Variants in EMB observed in about 807,000 individuals in gnomAD.
EMB encodes the protein embigin homolog.
EMB carries 31 observed loss-of-function variants against 41.4 expected under a neutral mutation model. The observed-to-expected ratio is 0.75, with a 90% confidence interval of 0.56 to 1.01. The LOEUF is 1.01. Among genes scored for constraint, EMB ranks in the 50% least tolerant of loss-of-function variants. EMB has a pLI of 0.00. For synonymous variants in EMB, 137 were observed against 140.4 expected, an observed-to-expected ratio of 0.98 and a Z score of 0.17; for missense variants, 379 against 388.3, an observed-to-expected ratio of 0.98 and a Z score of 0.20.
At chr5:50,441,534 T>C (rs1025186616), upstream of EMB, among the ~76,000 whole-genome samples, 1 of 152,208 alleles carries the variant, frequency 6.6e-6, no homozygotes, top group Non-Finnish European at 1.5e-5. Context: ...GCCTACAGAC[T>C]GGCCTTTGCA....
At position 50,405,755 on chromosome 5, in the gene EMB, C is replaced by T; in HGVS notation, c.570G>A (p.Trp190Ter). The change falls in exon 5 of 9, where the codon TGG (tryptophan) becomes TGA (stop). Residue 190 changes from tryptophan to a stop codon, truncating the protein, a stop_gained. Coordinates refer to ENST00000303221, the MANE Select transcript of EMB (RefSeq NM_198449.3). LOFTEE classifies it high-confidence loss of function. ...CKCQNCFPLN[W>*]TWYSSNGSVK... Reference sequence around the variant, plus strand: ...CACTCCCATTACTACTGTACCAGGTCCAATTTAAAGGAAAACAATTTTGAC... The same window carrying T: ...CACTCCCATTACTACTGTACCAGGTTCAATTTAAAGGAAAACAATTTTGAC... The T allele has an allele frequency of 6.2e-7, 1 of 1,605,984 alleles. No individual in the cohort carries two copies. The highest frequency in any genetic ancestry group is 1.3e-5 in the African/African-American group (1 of 74,470).
intron 1 of EMB, among the ~76,000 whole-genome samples, chr5:50,440,447 C>T (rs566348724): frequency 3.9e-4 from 56 of 145,248 alleles, no homozygotes; most frequent in Non-Finnish European, 7.0e-4. Context: ...AGAGGAGAAT[C>T]GCTTGAACCC....
rs553448333 is a variant in EMB at position 50,403,367 on chromosome 5, C to T, written c.688G>A (p.Glu230Lys). The T allele has an allele frequency of 1.1e-5, 17 of 1,612,682 alleles. No individual in the cohort carries two copies. In the Admixed American group the frequency reaches 1.7e-4, roughly 16 times the overall value. ...CGGCACCAGTAAGATTCCCCATCTT[C>T]CTCCAAAAGTTGTGTTATCTTCAGC... Reference protein sequence around the residue: ...TKLKITQLLEEDGESYWCRAL... With the variant: ...TKLKITQLLEKDGESYWCRAL... Residue 230 changes from glutamate to lysine, a missense_variant, in exon 6 of 9, where the codon GAA becomes AAA. Transcript: ENST00000303221.
intron 1 of EMB, among the ~76,000 whole-genome samples, chr5:50,440,211 A>G (rs1745875231): frequency 6.6e-6 from 1 of 152,170 alleles, no homozygotes; most frequent in African/African-American, 2.4e-5. Flanking sequence ...CTAGTTGGTT[A>G]TGATGTTTTT....
Position 50,441,031 on chromosome 5 carries a change from C to T in EMB, c.112+9G>A, listed in dbSNP as rs1231209517. On this transcript the variant is annotated intron_variant, in intron 1 of 8. Coordinates refer to ENST00000303221, the MANE Select transcript of EMB (RefSeq NM_198449.3). ...GCCCTCCCTACCCTGGACCCTGTAC[C>T]CATCACACCTGGGGCACTGCCGTCC... 2 of 1,479,912 alleles carry T rather than the reference C, an allele frequency of 1.4e-6. No individual in the cohort carries two copies. The highest frequency in any genetic ancestry group is 2.9e-5 in the African/African-American group (2 of 68,818). The allele number at this position is 1,479,912 out of a possible 1,614,324, so 91.7% of individuals were successfully genotyped here.
intron 5 of EMB, 133 bp from the exon 6 acceptor site, chr5:50,403,587 G>A: frequency 1.0e-6 from 1 of 978,806 alleles, no homozygotes; most frequent in East Asian, 2.6e-5. Context: ...AAGTTTGTGA[G>A]AGGTTATCTA....
chr5:50,442,054 T>C (rs1579750491), upstream of EMB, among the ~76,000 whole-genome samples: 1 of 152,330 alleles, frequency 6.6e-6, no homozygotes, highest in East Asian at 1.9e-4. Context: ...GAAATCTATA[T>C]TGTAACATTG....
At chr5:50,407,004 C>T (rs1579723279) in intron 4 of EMB, among the ~76,000 whole-genome samples, 1 of 151,948 alleles carries the variant, frequency 6.6e-6, no homozygotes, top group African/African-American at 2.4e-5. Flanking sequence ...ATTACTAGGG[C>T]AATGACCTCA....
upstream of EMB, among the ~76,000 whole-genome samples, chr5:50,442,089 C>A (rs897014438): frequency 1.3e-5 from 2 of 152,050 alleles, no homozygotes; most frequent in Admixed American, 1.3e-4. Flanking sequence ...GATTTCTCTC[C>A]AGGATGTTAT....
chr5:50,438,372 G>A (rs572044650), intron 1 of EMB, among the ~76,000 whole-genome samples: 1 of 152,288 alleles, frequency 6.6e-6, no homozygotes, highest in South Asian at 2.1e-4. Context: ...GGAGTGCAGA[G>A]GTTCTCAGAA....
At chr5:50,425,386 C>G (rs1745592863) in intron 2 of EMB, among the ~76,000 whole-genome samples, 1 of 151,986 alleles carries the variant, frequency 6.6e-6, no homozygotes, top group Non-Finnish European at 1.5e-5. Flanking sequence ...AGAGGTGATT[C>G]CAACGTTAAC....
At chr5:50,437,414 C>T (rs1745822757) in intron 1 of EMB, among the ~76,000 whole-genome samples, 1 of 152,082 alleles carries the variant, frequency 6.6e-6, no homozygotes, top group African/African-American at 2.4e-5. Context: ...ACTCTTTTTC[C>T]CTTGATATTA....
intron 1 of EMB, among the ~76,000 whole-genome samples, chr5:50,434,950 T>C (rs551252825): frequency 2.8e-4 from 43 of 152,314 alleles, no homozygotes; most frequent in Admixed American, 1.2e-3. Context: ...AGACCAGCTG[T>C]ACAAAGTTAA....
At chr5:50,413,327 G>A (rs1561134198) in intron 2 of EMB, among the ~76,000 whole-genome samples, 1 of 152,104 alleles carries the variant, frequency 6.6e-6, no homozygotes, top group African/African-American at 2.4e-5. Context: ...TGCATCAACT[G>A]CTGCAATAAT....
Position 50,411,581 on chromosome 5 carries a change from T to C in EMB, c.197-198A>G, listed in dbSNP as rs564396261. The C allele has an allele frequency of 5.3e-5, 23 of 435,812 alleles. 1 individual carries two copies. Among genetic ancestry groups the C allele is most frequent in the African/African-American group, 4.2e-4 (21 of 49,932 alleles). 27.0% of individuals were successfully genotyped at this position (435,812 alleles called of 1,614,324 possible). A position where few individuals can be genotyped will look rare whatever the true frequency, so the allele number is the denominator to read the frequency against. ...ATGCACACCTAAAGAAAAGTTTTGA[T>C]TCAACATTAACACAATTAAAAAAAA... On this transcript the variant is annotated intron_variant, in intron 2 of 8. Coordinates refer to ENST00000303221, the MANE Select transcript of EMB (RefSeq NM_198449.3).
intron 2 of EMB, among the ~76,000 whole-genome samples, chr5:50,423,233 T>C (rs1203036120): frequency 3.3e-5 from 5 of 151,958 alleles, no homozygotes; most frequent in African/African-American, 1.2e-4. Context: ...ACAATACTAG[T>C]TTTTATGGAT....
intron 2 of EMB, among the ~76,000 whole-genome samples, chr5:50,412,704 A>G (rs1435150431): frequency 6.6e-6 from 1 of 151,912 alleles, no homozygotes; most frequent in Non-Finnish European, 1.5e-5. Context: ...TGTTTTGCTA[A>G]TCTATCTTTT....
intron 4 of EMB, among the ~76,000 whole-genome samples, chr5:50,409,910 A>G (rs1387634078): frequency 1.3e-5 from 2 of 152,140 alleles, no homozygotes; most frequent in Non-Finnish European, 2.9e-5. Context: ...TATATTCACC[A>G]CATTGGAACA....
At chr5:50,406,737 T>C (rs1460357980) in intron 4 of EMB, among the ~76,000 whole-genome samples, 1 of 151,964 alleles carries the variant, frequency 6.6e-6, no homozygotes, top group Non-Finnish European at 1.5e-5. Flanking sequence ...TAGCAGGTTT[T>C]TTGCTTCTTT....
Sources: gnomAD v4.1 joint callset for allele counts (sites outside exome capture counted in the v4.1 genomes callset) on GRCh38, gnomAD v4.1.1 for gene constraint, MANE v1.5 for transcripts, NCBI Gene and HGNC (gene_info 2026-07-23, HGNC 2026-07-21) for gene names.